L3MBTL3: variants seen among roughly 807,000 people sequenced by gnomAD.
L3MBTL3 encodes the protein L3MBTL histone methyl-lysine binding protein 3, also known as lethal(3)malignant brain tumor-like protein 3.
L3MBTL3 carries 27 observed loss-of-function variants against 102.3 expected under a neutral mutation model. The ratio of observed to expected loss-of-function variants is 0.26; its 90% CI spans 0.19 to 0.36. L3MBTL3 has a LOEUF of 0.36. L3MBTL3 is among the 10% of genes least tolerant of loss of function. The pLI is 1.00. For synonymous variants in L3MBTL3, 340 were observed against 320.9 expected (o/e 1.06, Z -0.64); for missense variants, 798 against 955.3 (o/e 0.84, Z 2.17).
chr6:130,134,168 A>G (rs905293880), intron 22 of L3MBTL3, among the ~76,000 whole-genome samples: 1 of 152,216 alleles, frequency 6.6e-6, no homozygotes, highest in African/African-American at 2.4e-5. Context: ...AAGAAAACCC[A>G]CAGAACTTAA....
chr6:130,058,001 G>A (rs1781622906), intron 9 of L3MBTL3, among the ~76,000 whole-genome samples: 1 of 151,456 alleles, frequency 6.6e-6, no homozygotes, highest in Non-Finnish European at 1.5e-5. Flanking sequence ...AAATTAGCCG[G>A]GCGCGGTGGC....
chr6:130,126,072 C>T (rs954728790), intron 20 of L3MBTL3, among the ~76,000 whole-genome samples: 1 of 151,480 alleles, frequency 6.6e-6, no homozygotes, highest in Non-Finnish European at 1.5e-5. Flanking sequence ...TACTTCCCTC[C>T]CTCGCTCCCT....
intron 12 of L3MBTL3, 131 bp from the exon 13 acceptor site, chr6:130,070,845 G>A: frequency 3.3e-6 from 1 of 303,872 alleles, no homozygotes; most frequent in East Asian, 7.4e-5. Context: ...TGTGAAACTG[G>A]CATATGATTT....
At position 130,068,559 on chromosome 6, in the gene L3MBTL3, G is replaced by A. The variant is rs555797431; in HGVS notation, c.1092+138G>A. Reference sequence around the variant, plus strand: ...ATAGAGTACTCTTATCTTAATTAAAGTTTAAAATTAGCTTAAAATCTTCAT... The same window carrying A: ...ATAGAGTACTCTTATCTTAATTAAAATTTAAAATTAGCTTAAAATCTTCAT... On this transcript the variant is annotated intron_variant, in intron 12 of 22. Transcript: ENST00000361794. 82 of 525,314 alleles carry A rather than the reference G, an allele frequency of 1.6e-4. No individual in the cohort carries two copies. The South Asian group carries it at 2.3e-3, about 14-fold the overall frequency. The allele number at this position is 525,314 out of a possible 1,614,324, so 32.5% of individuals were successfully genotyped here.
intron 5 of L3MBTL3, among the ~76,000 whole-genome samples, chr6:130,050,855 C>A (rs988714674): frequency 6.6e-6 from 1 of 152,162 alleles, no homozygotes; most frequent in African/African-American, 2.4e-5. Context: ...AAAACAAAAT[C>A]ATTCATCAAA....
At chr6:130,117,640 A>G (rs941190220) in intron 19 of L3MBTL3, among the ~76,000 whole-genome samples, 3 of 152,204 alleles carry the variant, frequency 2.0e-5, no homozygotes, top group Non-Finnish European at 2.9e-5. Context: ...GAATTTGCGT[A>G]ATGAAATTCT....
At chr6:130,041,143 A>G (rs1482831167) in intron 2 of L3MBTL3, among the ~76,000 whole-genome samples, 2 of 152,256 alleles carry the variant, frequency 1.3e-5, no homozygotes, top group Non-Finnish European at 2.9e-5. Flanking sequence ...ATGCTGCTAA[A>G]GAATTTCTGG....
At chr6:130,087,541 A>G (rs1258877447) in intron 16 of L3MBTL3, among the ~76,000 whole-genome samples, 3 of 152,196 alleles carry the variant, frequency 2.0e-5, no homozygotes. Context: ...TGGGAATGTA[A>G]AATGTCTCAG....
intron 14 of L3MBTL3, among the ~76,000 whole-genome samples, chr6:130,081,387 A>C (rs1783330173): frequency 6.6e-6 from 1 of 151,826 alleles, no homozygotes; most frequent in Non-Finnish European, 1.5e-5. Context: ...ATGTCATAAA[A>C]TGTATACACA....
intron 14 of L3MBTL3, among the ~76,000 whole-genome samples, 170 bp from the exon 15 acceptor site, chr6:130,083,450 A>G (rs1364807903): frequency 6.6e-6 from 1 of 152,008 alleles, no homozygotes; most frequent in Non-Finnish European, 1.5e-5. Flanking sequence ...AATGATCAAG[A>G]TGAAAACAAT....
chr6:130,029,748 T>C (rs1331559585), intron 2 of L3MBTL3, among the ~76,000 whole-genome samples: 1 of 152,178 alleles, frequency 6.6e-6, no homozygotes, highest in Admixed American at 6.5e-5. Flanking sequence ...CTCTGCCCTG[T>C]GAGACTTCAG....
chr6:130,056,956 T>C (rs1318927346), intron 8 of L3MBTL3, among the ~76,000 whole-genome samples: 1 of 152,256 alleles, frequency 6.6e-6, no homozygotes, highest in Non-Finnish European at 1.5e-5. Flanking sequence ...TTATCACTTA[T>C]GTATTCTTTT....
At chr6:130,057,929 G>A (rs1237579105) in intron 9 of L3MBTL3, among the ~76,000 whole-genome samples, 1 of 151,464 alleles carries the variant, frequency 6.6e-6, no homozygotes, top group Non-Finnish European at 1.5e-5. Context: ...GGATCACGAG[G>A]TCAGGAGATC....
intron 14 of L3MBTL3, among the ~76,000 whole-genome samples, chr6:130,081,052 C>T (rs1783307781): frequency 6.6e-6 from 1 of 152,228 alleles, no homozygotes; most frequent in Non-Finnish European, 1.5e-5. Flanking sequence ...CTAAGCTGCC[C>T]TCTAGGCCAC....
At chr6:130,021,697 GTGTAAGGCAAT>G (rs1779026317) in intron 1 of L3MBTL3, among the ~76,000 whole-genome samples, 1 of 152,210 alleles carries the variant, frequency 6.6e-6, no homozygotes, top group Admixed American at 6.5e-5. Flanking sequence ...TGTCTGATAA[GTGTAAGGCAAT>G]TTTATATAGT....
intron 2 of L3MBTL3, among the ~76,000 whole-genome samples, chr6:130,030,111 G>A (rs902418804): frequency 2.0e-5 from 3 of 151,916 alleles, no homozygotes; most frequent in African/African-American, 4.8e-5. Flanking sequence ...CACCTGCCTC[G>A]GTCTCCCAAA....
At chr6:130,136,779 G>A (rs112761518) in intron 22 of L3MBTL3, among the ~76,000 whole-genome samples, 3,406 of 152,050 alleles carry the variant, frequency 0.022, 106 homozygotes, top group African/African-American at 0.078. Context: ...CACCACACCC[G>A]GCTAATTTTT....
chr6:130,119,492 A>G (rs932921022), intron 19 of L3MBTL3, among the ~76,000 whole-genome samples: 2 of 152,220 alleles, frequency 1.3e-5, no homozygotes, highest in Non-Finnish European at 2.9e-5. Context: ...ATTTTTATCA[A>G]TACTTCAACT....
chr6:130,128,327 G>T (rs1000562055), intron 20 of L3MBTL3, among the ~76,000 whole-genome samples: 1 of 152,130 alleles, frequency 6.6e-6, no homozygotes, highest in Non-Finnish European at 1.5e-5. Context: ...ACAGTGTCAG[G>T]AAATCAGATT....
Sources: gnomAD v4.1 joint callset for allele counts (sites outside exome capture counted in the v4.1 genomes callset) on GRCh38, gnomAD v4.1.1 for gene constraint, MANE v1.5 for transcripts, NCBI Gene and HGNC (gene_info 2026-07-23, HGNC 2026-07-21) for gene names.